Variants in AKAP8 observed in about 807,000 individuals in gnomAD.
AKAP8 encodes A-kinase anchor protein 8.
A neutral mutation model predicts 67.5 loss-of-function variants in AKAP8; 24 were observed. That is an observed-to-expected ratio of 0.36 (90% CI 0.26 to 0.50). AKAP8 has a LOEUF of 0.50. Ranked by LOEUF, AKAP8 falls within the 20% of genes least tolerant of loss-of-function variation. The pLI is 0.97. For missense variants in AKAP8, 971 were observed against 955.9 expected, an observed-to-expected ratio of 1.02 and a Z score of -0.21; for synonymous variants, 400 against 371.1, an observed-to-expected ratio of 1.08 and a Z score of -0.90.
chr19:15,372,115 T>C (rs1414337491), intron 6 of AKAP8, 103 bp downstream of exon 6: 16 of 1,608,580 alleles, frequency 9.9e-6, no homozygotes, highest in Middle Eastern at 2.0e-4. Flanking sequence ...GGTTGAAACA[T>C]GCCACCTGCG....
chr19:15,357,268 C>T (rs1966896518), intron 13 of AKAP8, among the ~76,000 whole-genome samples: 6 of 150,982 alleles, frequency 4.0e-5, no homozygotes, highest in Admixed American at 3.3e-4. Context: ...CACCCCATCC[C>T]CCTGCAAAAC....
intron 9 of AKAP8, among the ~76,000 whole-genome samples, chr19:15,365,976 A>T (rs1424039923): frequency 6.6e-6 from 1 of 151,078 alleles, no homozygotes; most frequent in Non-Finnish European, 1.5e-5. Flanking sequence ...GTGAGCTGAG[A>T]TCGTGCCACT....
Position 15,354,724 on chromosome 19 carries a change from G to A in AKAP8, c.*191C>T. 1 of 634,606 alleles carries A rather than the reference G, an allele frequency of 1.6e-6. No individual in the cohort carries two copies. Among genetic ancestry groups the A allele is most frequent in the East Asian group, 2.8e-5 (1 of 36,360 alleles). The allele number at this position is 634,606 out of a possible 1,614,324, so 39.3% of individuals were successfully genotyped here. On this transcript the variant is annotated 3_prime_UTR_variant, in exon 14 of 14. Coordinates refer to ENST00000269701, the MANE Select transcript of AKAP8 (RefSeq NM_005858.4). ...CAATGTACTTCAGCTTTGAAACCTG[G>A]GCAAGAAGCCACACGACTGCATGAG...
chr19:15,368,994 C>A (rs1967112734), intron 8 of AKAP8: 1 of 985,988 alleles, frequency 1.0e-6, no homozygotes. Flanking sequence ...AGCCACGCGG[C>A]CATCATCCCA....
At chr19:15,371,161 G>T (rs1178909691) in intron 7 of AKAP8, among the ~76,000 whole-genome samples, 4 of 152,096 alleles carry the variant, frequency 2.6e-5, no homozygotes, top group Non-Finnish European at 5.9e-5. Flanking sequence ...TAAGGACTTG[G>T]GGAAGGCCCT....
chr19:15,379,585 T>C (rs1967334543), intron 1 of AKAP8, 128 bp downstream of exon 1: 2 of 1,098,220 alleles, frequency 1.8e-6, no homozygotes. Context: ...CCTGGCCGCC[T>C]CTCCGGAGGG....
chr19:15,363,338 C>T (rs1176273223), intron 9 of AKAP8, among the ~76,000 whole-genome samples: 4 of 117,160 alleles, frequency 3.4e-5, no homozygotes, highest in Non-Finnish European at 5.3e-5. Flanking sequence ...CCAGCCGCTC[C>T]GTCCGGGAGG....
chr19:15,368,516 G>A (rs780719297), intron 8 of AKAP8, 194 bp from the exon 9 acceptor site: 63 of 985,164 alleles, frequency 6.4e-5, no homozygotes, highest in African/African-American at 1.2e-4. Context: ...GTGAGAGCCC[G>A]GAGTAGTCAC....
At chr19:15,373,650 C>A (rs190062269) in intron 4 of AKAP8, 136 bp downstream of exon 4, 24 of 1,152,492 alleles carry the variant, frequency 2.1e-5, no homozygotes, top group Non-Finnish European at 2.9e-5. Flanking sequence ...ACTGACCCCC[C>A]ACGAGCCCAA....
chr19:15,370,147 T>A lies in AKAP8; in HGVS notation c.1071A>T (p.Arg357Ser), dbSNP rs752151622. 1.2e-6 allele frequency: 2 copies of A among 1,614,110 alleles called. No homozygotes were observed. Among genetic ancestry groups the A allele is most frequent in the Admixed American group, 3.3e-5 (2 of 60,008 alleles). ...TGCAAGGGACACGGTGATGCCTACC[T>A]CTTTGCCTCCCAGAGTCGCAGAGTT... is the stretch of plus-strand genomic sequence containing the variant. The part of the protein sequence containing the change: ...EDELCDSGRQ[R>S]GEKEDEDEDV... The change falls in exon 8 of 14, where the codon AGA (arginine) becomes AGT (serine). Residue 357 changes from arginine to serine, a missense_variant and splice_region_variant. Arg to Ser is a moderately radical substitution (Grantham distance 110). This residue lies in a region of AKAP8 where 763 missense variants were observed against 745.4 expected (regional missense o/e 1.02). Transcript: ENST00000269701.
At chr19:15,367,326 A>G (rs1365123667) in intron 9 of AKAP8, among the ~76,000 whole-genome samples, 1 of 152,150 alleles carries the variant, frequency 6.6e-6, no homozygotes, top group Non-Finnish European at 1.5e-5. Flanking sequence ...TCAGGAGTTT[A>G]AGACCAGCCT....
intron 7 of AKAP8, 46 bp downstream of exon 7, chr19:15,371,903 AAAG>A (rs1333289258): frequency 6.2e-7 from 1 of 1,600,234 alleles, no homozygotes; most frequent in Non-Finnish European, 8.6e-7. Context: ...GTGATTAAAG[AAAG>A]AAGAAATCCC....
In AKAP8 at chr19:15,362,022, T is replaced by C. The variant is rs529608420; in HGVS notation, c.1302+88A>G. The C allele has an allele frequency of 4.0e-3, 6,273 of 1,549,988 alleles. 16 individuals are homozygous for C. The highest frequency in any genetic ancestry group is 4.7e-3 in the Non-Finnish European group (5,431 of 1,146,792). On this transcript the variant is annotated intron_variant, in intron 10 of 13. Transcript: ENST00000269701. Reference sequence around the variant, plus strand: ...TGGGAAAGGAAACCTTGGCCAAGTATAGCCTCTGATTTCCCTTCCTCCTTC... The same window carrying C: ...TGGGAAAGGAAACCTTGGCCAAGTACAGCCTCTGATTTCCCTTCCTCCTTC...
intron 9 of AKAP8, among the ~76,000 whole-genome samples, chr19:15,366,334 G>A (rs774541301): frequency 4.6e-5 from 7 of 152,014 alleles, no homozygotes; most frequent in Admixed American, 1.3e-4. Context: ...AAAAGAAAAT[G>A]TCATCTCAGT....
intron 8 of AKAP8, 102 bp from the exon 9 acceptor site, chr19:15,368,424 C>T: frequency 6.3e-7 from 1 of 1,591,522 alleles, no homozygotes; most frequent in South Asian, 1.1e-5. Flanking sequence ...GCACCCTGTG[C>T]CCTGCCACTG....
Position 15,369,020 on chromosome 19 carries a change from C to A in AKAP8, c.1073-698G>T. The A allele has an allele frequency of 2.0e-6, 2 of 985,810 alleles. No individual in the cohort carries two copies. The highest frequency in any genetic ancestry group is 2.4e-6 in the Non-Finnish European group (2 of 830,274). The allele number at this position is 985,810 out of a possible 1,614,324, so 61.1% of individuals were successfully genotyped here. A position where few individuals can be genotyped will look rare whatever the true frequency, so the allele number is the denominator to read the frequency against. The stretch of plus-strand genomic sequence containing the variant: ...CATCATCCCAGCATGAGGCCAGGGA[C>A]GGACGCTGAAAAAAGGTTGGAGAAG... On this transcript the variant is annotated intron_variant, in intron 8 of 13. Transcript: ENST00000269701. The surrounding 1 kb of genome is among the most constrained non-coding windows in gnomAD (Gnocchi z 4.6).
intron 1 of AKAP8, among the ~76,000 whole-genome samples, chr19:15,377,717 C>T (rs938344839): frequency 6.6e-6 from 1 of 152,168 alleles, no homozygotes; most frequent in Non-Finnish European, 1.5e-5. Flanking sequence ...ATCCGCCAGC[C>T]TCGGCCTCCC....
In AKAP8 at chr19:15,373,173, C is replaced by T. The variant is rs144996992; in HGVS notation, c.539G>A (p.Arg180Gln). 43 of 1,613,482 alleles carry T rather than the reference C, an allele frequency of 2.7e-5. No homozygotes were observed. Among genetic ancestry groups the T allele is most frequent in the East Asian group, 4.5e-5 (2 of 44,896 alleles). ...YSECRDPARE[R>Q]GSLDGFMRGR... is the part of the protein sequence containing the mutation. Reference sequence around the variant, plus strand: ...CCGCATGAAGCCATCAAGGGAGCCCCGCTCCCGGGCTGGGTCTCGGCATTC... The same window carrying T: ...CCGCATGAAGCCATCAAGGGAGCCCTGCTCCCGGGCTGGGTCTCGGCATTC... Residue 180 changes from arginine (R) to glutamine (Q), a missense_variant, in exon 5 of 14, where the codon CGG becomes CAG. Physicochemically the swap from Arg to Gln is conservative, Grantham distance 43. Transcript: ENST00000269701.
At chr19:15,372,541 G>A (rs1393575621) in intron 5 of AKAP8, among the ~76,000 whole-genome samples, 194 bp from the exon 6 acceptor site, 1 of 151,488 alleles carries the variant, frequency 6.6e-6, no homozygotes, top group South Asian at 2.1e-4. Flanking sequence ...AAGGCCACAC[G>A]TTTCGCGACT....
Sources: gnomAD v4.1 joint callset for allele counts (sites outside exome capture counted in the v4.1 genomes callset) on GRCh38, gnomAD v4.1.1 for gene constraint, gnomAD v4.1.1 regional missense constraint, Gnocchi (gnomAD v3.1) non-coding constraint, MANE v1.5 for transcripts, NCBI Gene and HGNC (gene_info 2026-07-23, HGNC 2026-07-21) for gene names.